Variants in HLA-DQA1 observed in about 807,000 individuals in gnomAD.
HLA-DQA1 encodes the protein major histocompatibility complex, class II, DQ alpha 1, also known as HLA class II histocompatibility antigen, DQ alpha 1 chain.
Under a neutral mutation model 20.7 loss-of-function variants are expected in HLA-DQA1, and 10 were observed. The ratio of observed to expected loss-of-function variants is 0.48; its 90% confidence interval spans 0.30 to 0.82. HLA-DQA1 has a LOEUF of 0.82. Ranked by LOEUF, HLA-DQA1 falls within the 40% of genes least tolerant of loss-of-function variation. The pLI, the probability that HLA-DQA1 is intolerant of heterozygous loss-of-function variation, is 0.07. For synonymous variants in HLA-DQA1, 39 were observed against 109.2 expected, an observed-to-expected ratio of 0.36 and a Z score of 4.01; for missense variants, 127 against 293.0, an observed-to-expected ratio of 0.43 and a Z score of 4.14.
intron 1 of HLA-DQA1, among the ~76,000 whole-genome samples, chr6:32,640,699 T>C (rs1581983437): frequency 1.8e-5 from 2 of 112,038 alleles, no homozygotes; most frequent in Non-Finnish European, 3.9e-5. Flanking sequence ...AGGCATTGTT[T>C]ATTTATTATA....
In HLA-DQA1 at chr6:32,637,439, G is replaced by A. The variant is rs1047985; in HGVS notation, c.-20G>A. On this transcript the variant is annotated 5_prime_UTR_variant, in exon 1 of 5. Coordinates refer to ENST00000343139, the MANE Select transcript of HLA-DQA1 (RefSeq NM_002122.5). ...TCTACAGCTCAGAACACCAACTGCTGAGGCTGCCTTGGGAAGAGGATGATC... is the reference window on the plus strand; with the variant it reads ...TCTACAGCTCAGAACACCAACTGCTAAGGCTGCCTTGGGAAGAGGATGATC... The A allele has an allele frequency of 6.3e-3, 6,556 of 1,046,136 alleles. 757 individuals carry two copies. The highest frequency in any genetic ancestry group is 0.031 in the Admixed American group (1,103 of 35,514). The allele number at this position is 1,046,136 out of a possible 1,614,324, so 64.8% of individuals were successfully genotyped here.
At chr6:32,641,037 C>A in intron 1 of HLA-DQA1, among the ~76,000 whole-genome samples, 1 of 110,332 alleles carries the variant, frequency 9.1e-6, no homozygotes, top group African/African-American at 3.2e-5. Flanking sequence ...AATCATAAGT[C>A]CATGACATGC....
chr6:32,649,346 T>TAGCAAAAAGAACAA (rs1238450796), downstream of HLA-DQA1, among the ~76,000 whole-genome samples: 3 of 96,918 alleles, frequency 3.1e-5, 1 homozygote, highest in African/African-American at 1.1e-4. Flanking sequence ...GCTTAAAGCT[T>TAGCAAAAAGAACAA]AGCAAAAAGA....
At position 32,638,920 on chromosome 6, in the gene HLA-DQA1, T is replaced by G. The variant is rs182837913; in HGVS notation, c.82+1380T>G. On this transcript the variant is annotated intron_variant, in intron 1 of 4. Coordinates refer to ENST00000343139, the MANE Select transcript of HLA-DQA1 (RefSeq NM_002122.5). ...TCCCTCTTCCCTTTCAGGATCCATC[T>G]CTGACTCCCTGCTCCTTTATAGAGA... The G allele has an allele frequency of 1.3e-3, 450 of 351,734 alleles. 80 individuals are homozygous for G. The Admixed American group carries it at 0.013, about 10-fold the overall frequency. The allele number at this position is 351,734 out of a possible 1,614,324, so 21.8% of individuals were successfully genotyped here.
chr6:32,650,128 A>G (rs1782120711), downstream of HLA-DQA1, among the ~76,000 whole-genome samples: 2 of 98,250 alleles, frequency 2.0e-5, 1 homozygote, highest in South Asian at 6.1e-4. Context: ...AGAGAAATGC[A>G]AATCAAAATC....
downstream of HLA-DQA1, among the ~76,000 whole-genome samples, chr6:32,650,844 TATAATAATAATAATAATAATAATA>T (rs199519440): frequency 0.47 from 29,887 of 63,540 alleles, 11,856 homozygotes; most frequent in African/African-American, 0.51. Context: ...GAGCTTAAAG[TATAATAATAATAATAATAATAATA>T]ATAATAATAA....
At chr6:32,650,413 C>T (rs185774696), downstream of HLA-DQA1, among the ~76,000 whole-genome samples, 22 of 96,558 alleles carry the variant, frequency 2.3e-4, 8 homozygotes, top group Non-Finnish European at 4.4e-4. Context: ...ATGTTTATTG[C>T]GGCACTATTC....
downstream of HLA-DQA1, among the ~76,000 whole-genome samples, chr6:32,651,370 G>A (rs545686632): frequency 2.2e-4 from 18 of 82,312 alleles, 3 homozygotes; most frequent in African/African-American, 7.5e-4. Context: ...AGATCATTAG[G>A]TCAGGAGATC....
rs1292773497 is a variant in HLA-DQA1 at position 32,641,364 on chromosome 6, G to C, written c.137G>C (p.Gly46Ala). 2.6e-6 allele frequency: 3 copies of C among 1,161,880 alleles called. 1 individual carries two copies. The highest frequency in any genetic ancestry group is 3.6e-6 in the Non-Finnish European group (3 of 823,342). The allele number at this position is 1,161,880 out of a possible 1,614,324, so 72.0% of individuals were successfully genotyped here. Reference protein sequence around the residue: ...VNLYQFYGPSGQYTHEFDGDE... With the variant: ...VNLYQFYGPSAQYTHEFDGDE... ...TTGTACCAGTTTTACGGTCCCTCTG[G>C]CCAGTACACCCATGAATTTGATGGA... The change falls in exon 2 of 5, where the codon GGC (glycine) becomes GCC (alanine). Residue 46 changes from glycine to alanine, a missense_variant. This residue lies in a region of HLA-DQA1 where 15 missense variants were observed against 56.2 expected (regional missense o/e 0.27). Coordinates refer to ENST00000343139, the MANE Select transcript of HLA-DQA1 (RefSeq NM_002122.5).
Position 32,639,970 on chromosome 6 carries a change from T to C in HLA-DQA1, c.83-1340T>C, listed in dbSNP as rs2150961667. The C allele has an allele frequency of 2.3e-5, 2 of 87,332 alleles. 1 individual carries two copies. The highest frequency in any genetic ancestry group is 7.0e-4 in the South Asian group (2 of 2,850). The allele number at this position is 87,332 out of a possible 1,614,324, so 5.4% of individuals were successfully genotyped here. Reference sequence around the variant, plus strand: ...GTTGAGACGGAGGGGTTGGAGGTCATAATGTGGTCAAAAACATGTTGATGA... The same window carrying C: ...GTTGAGACGGAGGGGTTGGAGGTCACAATGTGGTCAAAAACATGTTGATGA... On this transcript the variant is annotated intron_variant, in intron 1 of 4. Transcript: ENST00000343139.
Position 32,642,654 on chromosome 6 carries a change from G to T in HLA-DQA1, c.658G>T (p.Val220Phe), listed in dbSNP as rs1288968536. 1 of 1,337,606 alleles carries T rather than the reference G, an allele frequency of 7.5e-7. No individual in the cohort carries two copies. Among genetic ancestry groups the T allele is most frequent in the Non-Finnish European group, 1.0e-6 (1 of 969,890 alleles). The allele number at this position is 1,337,606 out of a possible 1,614,324, so 82.9% of individuals were successfully genotyped here. The change falls in exon 4 of 5, where the codon GTC becomes TTC. Residue 220 changes from valine to phenylalanine, a missense_variant. This residue lies in a region of HLA-DQA1 where 46 missense variants were observed against 152.1 expected (regional missense o/e 0.30). Coordinates refer to ENST00000343139, the MANE Select transcript of HLA-DQA1 (RefSeq NM_002122.5). ...TATGTCAGAGCTCACAGAGACTGTG[G>T]TCTGTGCCCTGGGGTTGTCTGTGGG... ...APMSELTETV[V>F]CALGLSVGLM...
the HLA-DQA1 span, among the ~76,000 whole-genome samples, chr6:32,655,032 CAAA>C: frequency 2.3e-4 from 10 of 43,036 alleles, no homozygotes; most frequent in Admixed American, 6.7e-4. Context: ...GACTCTGTCC[CAAA>C]AAAAAAAAAA....
chr6:32,652,745 T>A, the HLA-DQA1 span, among the ~76,000 whole-genome samples: 2 of 29,508 alleles, frequency 6.8e-5, no homozygotes, highest in African/African-American at 2.0e-4. Flanking sequence ...GTCAATAACT[T>A]TCATCTTCTA....
intron 1 of HLA-DQA1, 37 bp from the exon 2 acceptor site, chr6:32,641,273 G>T: frequency 8.2e-7 from 1 of 1,215,216 alleles, no homozygotes; most frequent in Non-Finnish European, 1.2e-6. Context: ...TTCTTCCCCT[G>T]TTCTCCGCCT....
downstream of HLA-DQA1, among the ~76,000 whole-genome samples, chr6:32,651,588 C>CAAAAAAAAA (rs70996710): frequency 4.6e-4 from 7 of 15,292 alleles, no homozygotes; most frequent in East Asian, 2.1e-3. Flanking sequence ...CGTCTCAAAG[C>CAAAAAAAAA]AAAAAAAAAA....
downstream of HLA-DQA1, chr6:32,644,072 A>C (rs9273031): frequency 0.31 from 41,422 of 135,400 alleles, 6,069 homozygotes; most frequent in East Asian, 0.38. Flanking sequence ...CCTTTCCCCT[A>C]ACCCCTCCTG....
the HLA-DQA1 span, among the ~76,000 whole-genome samples, chr6:32,652,701 A>C: frequency 8.1e-6 from 1 of 123,548 alleles, no homozygotes; most frequent in Non-Finnish European, 1.8e-5. Flanking sequence ...GTCAAGTGGA[A>C]GCATAAAGTG....
chr6:32,641,171 A>G (rs1450616902), intron 1 of HLA-DQA1, 139 bp from the exon 2 acceptor site: 1 of 571,536 alleles, frequency 1.7e-6, no homozygotes. Context: ...GGGAGGAAGC[A>G]GGGGCTGGAA....
intron 1 of HLA-DQA1, chr6:32,638,845 C>T (rs1781130584): frequency 4.4e-6 from 1 of 229,284 alleles, no homozygotes; most frequent in African/African-American, 3.0e-5. Context: ...TCTTACTCTC[C>T]TCTGCCTTTG....
Sources: gnomAD v4.1 joint callset for allele counts (sites outside exome capture counted in the v4.1 genomes callset) on GRCh38, gnomAD v4.1.1 for gene constraint, gnomAD v4.1.1 regional missense constraint, MANE v1.5 for transcripts, NCBI Gene and HGNC (gene_info 2026-07-23, HGNC 2026-07-21) for gene names.